Variants in AKT3 observed in about 807,000 individuals in gnomAD.
AKT3 encodes the protein RAC-gamma serine/threonine-protein kinase.
A neutral mutation model predicts 65.3 loss-of-function variants in AKT3; 15 were observed. The ratio of observed to expected loss-of-function variants is 0.23; its 90% CI spans 0.15 to 0.35. The LOEUF is 0.35. Among genes scored for constraint, AKT3 ranks in the 10% least tolerant of loss-of-function variants. AKT3 has a pLI of 1.00. For synonymous variants in AKT3, 206 were observed against 183.8 expected (o/e 1.12, Z -0.98); for missense variants, 243 against 576.5 (o/e 0.42, Z 5.92).
At chr1:243,697,129 A>T (rs927724456) in intron 2 of AKT3, among the ~76,000 whole-genome samples, 1 of 152,048 alleles carries the variant, frequency 6.6e-6, no homozygotes, top group Admixed American at 6.6e-5. Context: ...CGAAATTGAA[A>T]ATAGATTTTA....
chr1:243,637,443 T>A (rs1439110368), intron 6 of AKT3, among the ~76,000 whole-genome samples, 168 bp downstream of exon 6: 2 of 152,088 alleles, frequency 1.3e-5, no homozygotes, highest in African/African-American at 4.8e-5. Context: ...GTCTGAAAAC[T>A]TTAAAAATTA....
intron 10 of AKT3, among the ~76,000 whole-genome samples, chr1:243,562,025 A>T (rs1272121168): frequency 2.0e-5 from 3 of 152,160 alleles, no homozygotes; most frequent in African/African-American, 7.2e-5. Flanking sequence ...GCATAAACAA[A>T]TGTTCATAGC....
intron 2 of AKT3, among the ~76,000 whole-genome samples, chr1:243,774,154 A>G (rs1427245043): frequency 6.6e-6 from 1 of 152,220 alleles, no homozygotes; most frequent in East Asian, 1.9e-4. Flanking sequence ...CTCTACATAA[A>G]TTCATTGAAA....
intron 6 of AKT3, among the ~76,000 whole-genome samples, chr1:243,634,202 T>C (rs1357276536): frequency 6.6e-6 from 1 of 152,116 alleles, no homozygotes; most frequent in African/African-American, 2.4e-5. Context: ...ATAATGTAAA[T>C]GTTATGTAAA....
chr1:243,754,070 C>T (rs1432121682), intron 2 of AKT3, among the ~76,000 whole-genome samples: 4 of 152,062 alleles, frequency 2.6e-5, no homozygotes, highest in Non-Finnish European at 5.9e-5. Context: ...TCCCAGTTTC[C>T]TTATTATAGA....
In AKT3 at chr1:243,635,343, T is replaced by A. The variant is rs572475607; in HGVS notation, c.561+2268A>T. Among the ~76,000 whole-genome samples the A allele has an allele frequency of 4.9e-4, 74 of 150,760 alleles. 1 individual carries two copies. The highest frequency in any genetic ancestry group is 8.2e-4 in the Non-Finnish European group (55 of 67,482). Reference sequence around the variant, plus strand: ...TATACTAAATAAGAGAGATTGCAAATCAACAATCTAACTTTATAACTTAAG... The same window carrying A: ...TATACTAAATAAGAGAGATTGCAAAACAACAATCTAACTTTATAACTTAAG... On this transcript the variant is annotated intron_variant, in intron 6 of 13. Transcript: ENST00000673466.
intron 8 of AKT3, chr1:243,612,508 G>A (rs1241619863): frequency 6.5e-6 from 1 of 152,754 alleles, no homozygotes; most frequent in Non-Finnish European, 1.5e-5. Context: ...TATTTATTTT[G>A]GAAAATAAGA....
At chr1:243,748,861 T>C (rs1043422193) in intron 2 of AKT3, among the ~76,000 whole-genome samples, 1 of 152,164 alleles carries the variant, frequency 6.6e-6, no homozygotes, top group Non-Finnish European at 1.5e-5. Flanking sequence ...AAGGTTAGCC[T>C]TACCATACGA....
chr1:243,595,973 G>A (rs1259360408), intron 8 of AKT3, among the ~76,000 whole-genome samples: 3 of 152,068 alleles, frequency 2.0e-5, no homozygotes, highest in Non-Finnish European at 2.9e-5. Context: ...CTACACAACC[G>A]GCAGCACAGG....
intron 4 of AKT3, among the ~76,000 whole-genome samples, chr1:243,648,090 T>G (rs1038350295): frequency 5.3e-5 from 8 of 151,766 alleles, no homozygotes; most frequent in African/African-American, 1.9e-4. Context: ...AAACCTCGTC[T>G]CTACAAAAAA....
At position 243,837,152 on chromosome 1, in the gene AKT3, C is replaced by A. The variant is rs192852241; in HGVS notation, c.46+5973G>T. Among the ~76,000 whole-genome samples the A allele has an allele frequency of 2.5e-4, 38 of 151,856 alleles. 1 individual carries two copies. Among genetic ancestry groups the A allele is most frequent in the Admixed American group, 5.9e-4 (9 of 15,236 alleles). On this transcript the variant is annotated intron_variant, in intron 2 of 13. Transcript: ENST00000673466. ...GCCTGGGCAATGGAGCAAATCTTGG[C>A]TCTACTAAAAAAATAAAAATAAGGA...
At chr1:243,677,549 C>T (rs1412192798) in intron 3 of AKT3, among the ~76,000 whole-genome samples, 1 of 151,748 alleles carries the variant, frequency 6.6e-6, no homozygotes, top group Non-Finnish European at 1.5e-5. Flanking sequence ...TTTCAAAAAA[C>T]ATACTTTTCA....
At chr1:243,547,198 G>A (rs2148453179) in intron 11 of AKT3, among the ~76,000 whole-genome samples, 1 of 152,272 alleles carries the variant, frequency 6.6e-6, no homozygotes, top group South Asian at 2.1e-4. Flanking sequence ...CACTGAACAT[G>A]TAGGCAGGAA....
chr1:243,798,393 A>ATTTTTTTTTTTTTTTTTT (rs759264137), intron 2 of AKT3, among the ~76,000 whole-genome samples: 32 of 83,324 alleles, frequency 3.8e-4, no homozygotes, highest in Admixed American at 5.7e-4. Flanking sequence ...CTAATTTTTA[A>ATTTTTTTTTTTTTTTTTT]TTTTTTTTTT....
At chr1:243,519,439 T>C (rs975286354) in intron 12 of AKT3, among the ~76,000 whole-genome samples, 1 of 152,166 alleles carries the variant, frequency 6.6e-6, no homozygotes, top group African/African-American at 2.4e-5. Flanking sequence ...GCAATGGGTA[T>C]GAAGAAGTGG....
downstream of AKT3, chr1:243,499,655 AAC>A (rs980916550): frequency 4.9e-5 from 47 of 965,074 alleles, no homozygotes; most frequent in African/African-American, 6.7e-4. Context: ...TTTCTCCAAC[AAC>A]AGTTTTCATC....
intron 2 of AKT3, among the ~76,000 whole-genome samples, chr1:243,754,525 G>A (rs1230934006): frequency 6.6e-6 from 1 of 152,260 alleles, no homozygotes; most frequent in South Asian, 2.1e-4. Context: ...CCTGGGCCGC[G>A]GATGGTGGCT....
At chr1:243,838,157 T>C (rs1695014890) in intron 2 of AKT3, among the ~76,000 whole-genome samples, 1 of 152,198 alleles carries the variant, frequency 6.6e-6, no homozygotes, top group South Asian at 2.1e-4. Context: ...TTGCTCCATG[T>C]GGTTCTATTG....
intron 12 of AKT3, among the ~76,000 whole-genome samples, chr1:243,536,499 T>G (rs961700521): frequency 5.3e-5 from 8 of 152,224 alleles, no homozygotes; most frequent in Non-Finnish European, 1.0e-4. Flanking sequence ...CTTATCACGT[T>G]TAATATCTGA....
Sources: allele counts gnomAD v4.1 joint callset (sites outside exome capture counted in the v4.1 genomes callset), GRCh38; gene constraint gnomAD v4.1.1; transcripts MANE v1.5; gene names NCBI Gene and HGNC (gene_info 2026-07-23, HGNC 2026-07-21).